FBLN2: variants seen among roughly 807,000 people sequenced by gnomAD.
FBLN2 encodes the protein fibulin 2.
In FBLN2, 81 loss-of-function variants were observed where a neutral mutation model predicts 123.7. The observed-to-expected ratio is 0.65, with a 90% CI of 0.55 to 0.79. FBLN2 has a LOEUF of 0.79. Ranked by LOEUF, FBLN2 falls within the 30% of genes least tolerant of loss-of-function variation. The pLI is 0.00. For synonymous variants in FBLN2, 699 were observed against 701.4 expected, an observed-to-expected ratio of 1.00 and a Z score of 0.05; for missense variants, 1,603 against 1,681.3, an observed-to-expected ratio of 0.95 and a Z score of 0.81.
chr3:13,618,558 A>G (rs56775300), intron 6 of FBLN2, among the ~76,000 whole-genome samples: 2 of 152,178 alleles, frequency 1.3e-5, no homozygotes, highest in African/African-American at 4.8e-5. Flanking sequence ...GGCTCTCACC[A>G]AAACCCAGCT....
chr3:13,611,284 A>G (rs550188034), intron 4 of FBLN2, among the ~76,000 whole-genome samples: 9 of 152,346 alleles, frequency 5.9e-5, no homozygotes, highest in Admixed American at 2.0e-4. Flanking sequence ...CACATGATGT[A>G]AAATTGATCG....
At chr3:13,626,692 C>T in intron 10 of FBLN2, 113 bp downstream of exon 10, 1 of 1,105,308 alleles carries the variant, frequency 9.0e-7, no homozygotes, top group East Asian at 2.7e-5. Flanking sequence ...CCTGGCCACG[C>T]CCCTCTCCAT....
At chr3:13,633,594 C>A (rs1185058114) in intron 16 of FBLN2, among the ~76,000 whole-genome samples, 1 of 152,278 alleles carries the variant, frequency 6.6e-6, no homozygotes. Context: ...TCCTCTTCTC[C>A]TGTTCTGGCT....
At chr3:13,567,058 G>C (rs750895936) in intron 1 of FBLN2, among the ~76,000 whole-genome samples, 2 of 152,220 alleles carry the variant, frequency 1.3e-5, no homozygotes, top group South Asian at 2.1e-4. Flanking sequence ...GGAGTGGGGA[G>C]ATGGGCAAGC....
intron 16 of FBLN2, among the ~76,000 whole-genome samples, chr3:13,633,176 G>C (rs1706317213): frequency 6.6e-6 from 1 of 152,384 alleles, no homozygotes; most frequent in Non-Finnish European, 1.5e-5. Flanking sequence ...CTAGCCACTA[G>C]AGAGGGCTTC....
intron 9 of FBLN2, among the ~76,000 whole-genome samples, chr3:13,625,523 C>T (rs1706006755): frequency 6.6e-6 from 1 of 152,140 alleles, no homozygotes. Flanking sequence ...ACTCTCATGG[C>T]CAGCAGGGCT....
intron 1 of FBLN2, among the ~76,000 whole-genome samples, chr3:13,557,692 G>C (rs1362622643): frequency 6.6e-6 from 1 of 152,250 alleles, no homozygotes; most frequent in Non-Finnish European, 1.5e-5. Context: ...ACCTGTCACT[G>C]TGGATGGGGC....
intron 13 of FBLN2, 49 bp downstream of exon 13, chr3:13,629,341 CT>C: frequency 6.5e-7 from 1 of 1,543,948 alleles, no homozygotes; most frequent in Non-Finnish European, 8.7e-7. Context: ...GGCTGGTCCC[CT>C]GCCCTCTGTG....
chr3:13,580,459 C>T (rs1310788609), intron 2 of FBLN2, among the ~76,000 whole-genome samples: 1 of 152,144 alleles, frequency 6.6e-6, no homozygotes. Context: ...AAGACTGGAG[C>T]TGCCAGTCGT....
intron 10 of FBLN2, among the ~76,000 whole-genome samples, chr3:13,627,388 G>A (rs768513846): frequency 2.0e-5 from 3 of 152,110 alleles, no homozygotes; most frequent in East Asian, 1.9e-4. Flanking sequence ...TTAGGCACAC[G>A]GTGGGGATAT....
chr3:13,598,190 G>A (rs1249218671), intron 2 of FBLN2, among the ~76,000 whole-genome samples: 1 of 152,236 alleles, frequency 6.6e-6, no homozygotes, highest in Non-Finnish European at 1.5e-5. Context: ...TAATTAACTT[G>A]GAAAGTAGTC....
rs41293413 is a variant in FBLN2, at chr3:13,621,716, C to T, written c.2156-59C>T. 8,906 of 1,586,410 alleles carry T rather than the reference C, an allele frequency of 5.6e-3. 419 individuals carry two copies. In the African/African-American group the frequency reaches 0.1, roughly 18 times the overall value. On this transcript the variant is annotated intron_variant, in intron 8 of 17. Coordinates refer to ENST00000404922, the MANE Select transcript of FBLN2 (RefSeq NM_001004019.2). ...CTCATTCTCCTGTCACTGGATGCTC[C>T]GTGGCAGCCCATGTCCCTCTAACAG...
intron 2 of FBLN2, among the ~76,000 whole-genome samples, chr3:13,585,563 C>T (rs548623923): frequency 3.3e-5 from 5 of 152,296 alleles, no homozygotes; most frequent in South Asian, 2.1e-4. Flanking sequence ...CTAGTGACAG[C>T]GTAGCCATTA....
chr3:13,633,938 A>C (rs1311651408), intron 16 of FBLN2, among the ~76,000 whole-genome samples: 1 of 64,954 alleles, frequency 1.5e-5, no homozygotes, highest in Non-Finnish European at 3.2e-5. Context: ...CCCTTAGCAG[A>C]TATAAACACA....
chr3:13,603,402 G>A (rs572399875), intron 2 of FBLN2, among the ~76,000 whole-genome samples: 4 of 53,774 alleles, frequency 7.4e-5, no homozygotes, highest in East Asian at 8.8e-4. Context: ...CCCACCCCAC[G>A]ACAGGCCCCA....
chr3:13,630,088 C>T (rs1706205406), intron 14 of FBLN2, 143 bp downstream of exon 14: 8 of 1,256,734 alleles, frequency 6.4e-6, no homozygotes, highest in South Asian at 1.3e-5. Context: ...CTTCCTTCCT[C>T]CTCTGTCTGG....
At chr3:13,634,124 G>GCCTCAAGT in intron 16 of FBLN2, among the ~76,000 whole-genome samples, 1 of 152,338 alleles carries the variant, frequency 6.6e-6, no homozygotes, top group East Asian at 1.9e-4. Context: ...GGGCTTCTGG[G>GCCTCAAGT]CCTCAAGTCC....
chr3:13,614,110 C>T lies in FBLN2; in HGVS notation c.1675C>T (p.Leu559Phe), dbSNP rs773696372. Reference sequence around the variant, plus strand: ...CTCCTGCTGTGAGGGTGAAGAGCCTCTCATAGTACCTGAGGTTCGCCGACC... The same window carrying T: ...CTCCTGCTGTGAGGGTGAAGAGCCTTTCATAGTACCTGAGGTTCGCCGACC... ...MLSCCEGEEP[L>F]IVPEVRRPPE... The change falls in exon 5 of 18, where the codon CTC (leucine) becomes TTC (phenylalanine). Residue 559 changes from leucine to phenylalanine, a missense_variant. Physicochemically the swap from Leu to Phe is conservative, Grantham distance 22 (BLOSUM62 0). Transcript: ENST00000404922. 6 of 1,613,558 alleles carry T rather than the reference C, an allele frequency of 3.7e-6. No individual in the cohort carries two copies. The highest frequency in any genetic ancestry group is 2.7e-5 in the African/African-American group (2 of 75,046).
At position 13,629,021 on chromosome 3, in the gene FBLN2, G is replaced by T; in HGVS notation, c.2686G>T (p.Ala896Ser). The change falls in exon 12 of 18, where the codon GCC (alanine) becomes TCC (serine). Residue 896 changes from alanine (A) to serine (S), a missense_variant. Ala to Ser is a moderately conservative substitution (Grantham distance 99). Coordinates refer to ENST00000404922, the MANE Select transcript of FBLN2 (RefSeq NM_001004019.2). ...NPLICARGYH[A>S]SDDGTKCVDV... ...GCTGATCTGCGCGCGCGGCTACCAC[G>T]CCAGCGATGATGGGACCAAGTGTGT... 6.2e-7 allele frequency: 1 copy of T among 1,613,342 alleles called. No homozygotes were observed. The highest frequency in any genetic ancestry group is 1.3e-5 in the African/African-American group (1 of 75,030).
Sources: allele counts gnomAD v4.1 joint callset (sites outside exome capture counted in the v4.1 genomes callset), GRCh38; gene constraint gnomAD v4.1.1; transcripts MANE v1.5; gene names NCBI Gene and HGNC (gene_info 2026-07-23, HGNC 2026-07-21).